The following KIF11 variants were observed in gnomAD, a reference collection of about 807,000 sequenced individuals.
KIF11 encodes kinesin-like protein KIF11.
In KIF11, 9 loss-of-function variants were observed where a neutral mutation model predicts 121.0. The observed-to-expected ratio is 0.07, with a 90% CI of 0.04 to 0.13. The LOEUF is 0.13. KIF11 is among the 10% of genes least tolerant of loss of function. The pLI, the probability that KIF11 is intolerant of heterozygous loss-of-function variation, is 1.00. For synonymous variants in KIF11, 408 were observed against 421.0 expected (o/e 0.97, Z 0.38); for missense variants, 846 against 1,217.5 (o/e 0.69, Z 4.54).
chr10:92,616,682 G>A, intron 8 of KIF11, 55 bp from the exon 9 acceptor site: 1 of 873,226 alleles, frequency 1.1e-6, no homozygotes, highest in South Asian at 1.5e-5. Context: ...TTAGATAACA[G>A]AACTACATTA....
Position 92,593,190 on chromosome 10 carries a change from A to G in KIF11, c.-186A>G. 3.6e-6 allele frequency: 2 copies of G among 558,990 alleles called. No homozygotes were observed. The highest frequency in any genetic ancestry group is 4.6e-5 in the South Asian group (2 of 43,320). 34.6% of individuals were successfully genotyped at this position (558,990 alleles called of 1,614,324 possible). A position where few individuals can be genotyped will look rare whatever the true frequency, so the allele number is the denominator to read the frequency against. ...ATTTGGCGGCTCCGACTGGCGCGGG[A>G]CAAACGCCACGGCCAGAGTACCGGG... On this transcript the variant is annotated 5_prime_UTR_variant, in exon 1 of 22. Transcript: ENST00000260731.
intron 18 of KIF11, among the ~76,000 whole-genome samples, chr10:92,647,523 AGAC>A (rs1393937234): frequency 6.6e-6 from 1 of 152,234 alleles, no homozygotes; most frequent in Non-Finnish European, 1.5e-5. Flanking sequence ...CACACATTTG[AGAC>A]GACTGGTGAA....
intron 6 of KIF11, among the ~76,000 whole-genome samples, chr10:92,611,123 C>G (rs1321396647): frequency 6.6e-6 from 1 of 152,022 alleles, no homozygotes; most frequent in Non-Finnish European, 1.5e-5. Flanking sequence ...CAAATTAGAG[C>G]TAACTTCAAT....
chr10:92,629,936 C>T (rs952253731), intron 11 of KIF11, among the ~76,000 whole-genome samples: 3 of 152,132 alleles, frequency 2.0e-5, no homozygotes, highest in Admixed American at 2.0e-4. Flanking sequence ...CTGTTATATT[C>T]AAATCCATTG....
chr10:92,607,859 A>G (rs924662079), intron 4 of KIF11, among the ~76,000 whole-genome samples: 1 of 152,112 alleles, frequency 6.6e-6, no homozygotes, highest in African/African-American at 2.4e-5. Context: ...AATGAGTTTA[A>G]TAACTAGTTA....
intron 14 of KIF11, among the ~76,000 whole-genome samples, chr10:92,635,738 A>G (rs12257072): frequency 0.088 from 13,432 of 152,302 alleles, 679 homozygotes; most frequent in Middle Eastern, 0.11. Context: ...CAAACCTTCA[A>G]TTTGTAAAAA....
chr10:92,621,450 G>A lies in KIF11; in HGVS notation c.1194G>A (p.Val398=), dbSNP rs1263587649. 4 of 1,611,682 alleles carry A rather than the reference G, an allele frequency of 2.5e-6. No homozygotes were observed. Among genetic ancestry groups the A allele is most frequent in the East Asian group, 4.5e-5 (2 of 44,846 alleles). The change falls in exon 10 of 22, where the codon GTG becomes GTA. Residue 398 remains valine (V), a synonymous_variant. Transcript: ENST00000260731. The part of the protein sequence containing the change: ...DLAAAREKNG[V]YISEENFRVM... ...CTGCAGCCCGTGAGAAAAATGGAGT[G>A]TATATTTCTGAAGAAAATTTTAGGT...
intron 11 of KIF11, among the ~76,000 whole-genome samples, chr10:92,629,578 T>A (rs1355328907): frequency 1.3e-5 from 2 of 152,226 alleles, no homozygotes; most frequent in East Asian, 3.9e-4. Context: ...GGCCTGACCT[T>A]TCAGGGCCAC....
intron 8 of KIF11, among the ~76,000 whole-genome samples, chr10:92,615,014 T>G (rs1844538169): frequency 6.6e-6 from 1 of 151,848 alleles, no homozygotes; most frequent in African/African-American, 2.4e-5. Context: ...CAGGCTGGTC[T>G]TGAACTCCTG....
intron 6 of KIF11, among the ~76,000 whole-genome samples, chr10:92,612,398 A>G (rs1844507882): frequency 6.6e-6 from 1 of 152,190 alleles, no homozygotes; most frequent in Non-Finnish European, 1.5e-5. Flanking sequence ...TTGGCCTCCC[A>G]AAGTGTTGGG....
chr10:92,610,647 C>T (rs1338911763), intron 6 of KIF11, among the ~76,000 whole-genome samples: 1 of 152,030 alleles, frequency 6.6e-6, no homozygotes, highest in Non-Finnish European at 1.5e-5. Context: ...CAGTATGTGA[C>T]TTTTTGTAAA....
At position 92,646,282 on chromosome 10, in the gene KIF11, A is replaced by T. The variant is rs371598033; in HGVS notation, c.2547+640A>T. The stretch of plus-strand genomic sequence containing the variant: ...TTGCTTTTTACTTTTCTCCAAGTAC[A>T]TTCAAACCTATTATTATTTTAAGTA... On this transcript the variant is annotated intron_variant, in intron 18 of 21. Coordinates refer to ENST00000260731, the MANE Select transcript of KIF11 (RefSeq NM_004523.4). Among the ~76,000 whole-genome samples the T allele has an allele frequency of 2.0e-5, 3 of 152,262 alleles. No individual in the cohort carries two copies. The East Asian group carries it at 5.8e-4, about 29-fold the overall frequency.
chr10:92,597,109 G>T, intron 1 of KIF11: 1 of 301,584 alleles, frequency 3.3e-6, no homozygotes, highest in Non-Finnish European at 6.7e-6. Context: ...CCTTTCTTCA[G>T]GGTTTCTTCT....
chr10:92,649,708 TC>T lies in KIF11; in HGVS notation c.2771-125del, dbSNP rs1844959663. 3 of 607,498 alleles carry T rather than the reference TC, an allele frequency of 4.9e-6. No homozygotes were observed. In the South Asian group the frequency reaches 8.1e-5, roughly 16 times the overall value. 37.6% of individuals were successfully genotyped at this position (607,498 alleles called of 1,614,324 possible). A position where few individuals can be genotyped will look rare whatever the true frequency, so the allele number is the denominator to read the frequency against. ...AATGTCTGACAGGTAGCAAGACTGA[TC>T]CTCATATATGGCAATTATATTTTTA... On this transcript the variant is annotated intron_variant, in intron 19 of 21. Coordinates refer to ENST00000260731, the MANE Select transcript of KIF11 (RefSeq NM_004523.4).
chr10:92,631,614 G>A (rs927816455), intron 12 of KIF11, among the ~76,000 whole-genome samples: 1 of 151,354 alleles, frequency 6.6e-6, no homozygotes, highest in African/African-American at 2.4e-5. Flanking sequence ...ACCCACCTCG[G>A]CCTCCCAAAG....
intron 10 of KIF11, 54 bp downstream of exon 10, chr10:92,621,527 G>A (rs1400511167): frequency 1.9e-6 from 2 of 1,043,516 alleles, no homozygotes; most frequent in Non-Finnish European, 3.0e-6. Flanking sequence ...CTGATAACAG[G>A]CTATTTGAAG....
intron 17 of KIF11, among the ~76,000 whole-genome samples, chr10:92,640,148 A>G (rs542152114): frequency 2.0e-5 from 3 of 152,330 alleles, no homozygotes; most frequent in South Asian, 2.1e-4. Flanking sequence ...AATTTCCTCA[A>G]TCTTAGAAAA....
In KIF11 at chr10:92,616,841, GA is replaced by G. The variant is rs775522495; in HGVS notation, c.1128+11del. ...AAAAAGCTCTTATTAAGGTAACTGTGAATTTTTGTAGAGTAATGTAATCTTG... is the reference window on the plus strand; with the variant it reads ...AAAAAGCTCTTATTAAGGTAACTGTGATTTTTGTAGAGTAATGTAATCTTG... On this transcript the variant is annotated intron_variant, in intron 9 of 21. Coordinates refer to ENST00000260731, the MANE Select transcript of KIF11 (RefSeq NM_004523.4). 2.1e-6 allele frequency: 3 copies of G among 1,448,708 alleles called. No homozygotes were observed. The highest frequency in any genetic ancestry group is 3.7e-5 in the Admixed American group (2 of 53,958). The allele number at this position is 1,448,708 out of a possible 1,614,324, so 89.7% of individuals were successfully genotyped here.
At chr10:92,637,349 GTTGT>G in intron 15 of KIF11, 34 bp from the exon 16 acceptor site, 4 of 1,579,154 alleles carry the variant, frequency 2.5e-6, no homozygotes, top group South Asian at 1.2e-5. Flanking sequence ...AAATTGATGT[GTTGT>G]TTAAGAAGGA....
Sources: allele counts gnomAD v4.1 joint callset (sites outside exome capture counted in the v4.1 genomes callset), GRCh38; gene constraint gnomAD v4.1.1; transcripts MANE v1.5; gene names NCBI Gene and HGNC (gene_info 2026-07-23, HGNC 2026-07-21).